The following PTCHD1 variants were observed in gnomAD, a reference collection of about 807,000 sequenced individuals.
PTCHD1 encodes the protein patched domain-containing protein 1.
PTCHD1 carries 3 observed loss-of-function variants against 34.6 expected under a neutral mutation model. The ratio of observed to expected loss-of-function variants is 0.09; its 90% CI spans 0.04 to 0.22. The LOEUF is 0.22. PTCHD1 is among the 10% of genes least tolerant of loss of function. The probability of loss-of-function intolerance (pLI) is 1.00; values close to 1 mark genes in which losing one functional copy is unlikely to be tolerated. For synonymous variants in PTCHD1, 305 were observed against 283.1 expected (o/e 1.08, Z -0.77); for missense variants, 504 against 685.5 (o/e 0.74, Z 2.96).
At chrX:23,345,927 C>G (rs1248820476) in intron 1 of PTCHD1, among the ~76,000 whole-genome samples, 1 of 111,782 alleles carries the variant, frequency 8.9e-6, no homozygotes, top group Non-Finnish European at 1.9e-5. Context: ...GAGGGCCGTA[C>G]TCTACTGCCT....
At chrX:23,367,276 T>C (rs1453570648) in intron 1 of PTCHD1, among the ~76,000 whole-genome samples, 3 of 112,305 alleles carry the variant, frequency 2.7e-5, no homozygotes, top group Non-Finnish European at 1.9e-5. Flanking sequence ...TGACTTCTGA[T>C]TCTCAACAAA....
intron 1 of PTCHD1, among the ~76,000 whole-genome samples, chrX:23,364,587 A>G (rs1922087597): frequency 8.9e-6 from 1 of 111,826 alleles, no homozygotes; most frequent in Admixed American, 9.4e-5. Flanking sequence ...GACTTTCAGC[A>G]CCTGTACTGG....
intron 1 of PTCHD1, among the ~76,000 whole-genome samples, chrX:23,351,763 T>C (rs1208362314): frequency 1.8e-5 from 2 of 112,132 alleles, no homozygotes; most frequent in Non-Finnish European, 3.8e-5. Flanking sequence ...TTAGAACTCA[T>C]TGTTGAGTTT....
chrX:23,342,857 T>G (rs915910750), intron 1 of PTCHD1, among the ~76,000 whole-genome samples: 9 of 112,286 alleles, frequency 8.0e-5, no homozygotes, highest in Non-Finnish European at 1.7e-4. Flanking sequence ...ATTCATGGCT[T>G]CTTCTCTCCC....
At position 23,394,302 on chromosome X, in the gene PTCHD1, CAAA is replaced by C. The variant is rs765690048; in HGVS notation, c.*137_*139del. 2.9e-3 allele frequency: 149 copies of C among 51,935 alleles called. No individual in the cohort carries two copies. Among genetic ancestry groups the C allele is most frequent in the Middle Eastern group, 8.1e-3 (1 of 124 alleles). 4.3% of individuals were successfully genotyped at this position (51,935 alleles called of 1,213,427 possible). Reference sequence around the variant, plus strand: ...TTTAAAGATAGGAAACAGGCATTGCCAAAAAAAAAAAAAAAAAAAAAAGGAAAG... The same window carrying C: ...TTTAAAGATAGGAAACAGGCATTGCCAAAAAAAAAAAAAAAAAAAGGAAAG... On this transcript the variant is annotated 3_prime_UTR_variant, in exon 3 of 3. Transcript: ENST00000379361.
chrX:23,339,107 A>G (rs886147678), intron 1 of PTCHD1, among the ~76,000 whole-genome samples: 3 of 112,220 alleles, frequency 2.7e-5, no homozygotes, highest in African/African-American at 9.7e-5. Context: ...TCCCTGGCAC[A>G]TAATAGCTAC....
chrX:23,378,427 TAGAC>T (rs1247582897), intron 1 of PTCHD1, among the ~76,000 whole-genome samples: 1 of 112,259 alleles, frequency 8.9e-6, no homozygotes, highest in African/African-American at 3.2e-5. Context: ...TTTCTTATCT[TAGAC>T]AGTAGATTAC....
intron 1 of PTCHD1, among the ~76,000 whole-genome samples, chrX:23,374,686 A>G (rs751624316): frequency 9.9e-5 from 11 of 111,197 alleles, no homozygotes; most frequent in African/African-American, 2.9e-4. Context: ...TTGCCCTGAA[A>G]AAGAACTTCA....
intron 1 of PTCHD1, among the ~76,000 whole-genome samples, chrX:23,353,604 C>CA (rs35618513): frequency 5.3e-5 from 5 of 93,703 alleles, no homozygotes; most frequent in South Asian, 5.1e-4. Context: ...CAAAACAAAA[C>CA]AAAACAAAAA....
rs1383991688 is a variant in PTCHD1, at chrX:23,353,608, AC to A, written c.351+18383del. 1.2e-4 allele frequency among the ~76,000 whole-genome samples: 11 copies of A among 94,177 alleles called. No homozygotes were observed. The South Asian group carries it at 3.1e-3, about 26-fold the overall frequency. The allele number at this position is 94,177 out of a possible 115,157, so 81.8% of individuals were successfully genotyped here. A position where few individuals can be genotyped will look rare whatever the true frequency, so the allele number is the denominator to read the frequency against. On this transcript the variant is annotated intron_variant, in intron 1 of 2. Coordinates refer to ENST00000379361, the MANE Select transcript of PTCHD1 (RefSeq NM_173495.3). The stretch of plus-strand genomic sequence containing the variant: ...CTGTCTCAAAACAAAACAAAACAAA[AC>A]AAAAAAAAAAAACGTAAGCTAAGAG...
At chrX:23,373,056 C>G (rs57963282) in intron 1 of PTCHD1, among the ~76,000 whole-genome samples, 1 of 112,368 alleles carries the variant, frequency 8.9e-6, no homozygotes, top group Non-Finnish European at 1.9e-5. Flanking sequence ...CTTATCCATA[C>G]CAGTGTGGAG....
intron 1 of PTCHD1, among the ~76,000 whole-genome samples, chrX:23,363,693 G>T (rs2146628728): frequency 8.9e-6 from 1 of 112,734 alleles, no homozygotes; most frequent in African/African-American, 3.2e-5. Context: ...AGATGAACCA[G>T]CTACCTCAGT....
chrX:23,385,852 T>C (rs1922674727), intron 2 of PTCHD1, among the ~76,000 whole-genome samples: 1 of 111,425 alleles, frequency 9.0e-6, no homozygotes, highest in South Asian at 3.8e-4. Context: ...TGTGTCTTTA[T>C]AGCCTATGTG....
chrX:23,356,191 C>T (rs1921796753), intron 1 of PTCHD1, among the ~76,000 whole-genome samples: 1 of 112,113 alleles, frequency 8.9e-6, no homozygotes, highest in African/African-American at 3.2e-5. Flanking sequence ...GTTGGCTTGT[C>T]CAGAATGTTT....
At chrX:23,376,531 G>A (rs971865764) in intron 1 of PTCHD1, among the ~76,000 whole-genome samples, 2 of 112,085 alleles carry the variant, frequency 1.8e-5, no homozygotes, top group Non-Finnish European at 3.8e-5. Context: ...CTAAAACTCG[G>A]TATAGGTAGA....
At chrX:23,356,910 T>C (rs1921822545) in intron 1 of PTCHD1, among the ~76,000 whole-genome samples, 1 of 111,880 alleles carries the variant, frequency 8.9e-6, no homozygotes, top group South Asian at 3.8e-4. Flanking sequence ...GTGATAGGCT[T>C]TTCTGCCAGG....
At chrX:23,390,197 C>T (rs1922792326) in intron 2 of PTCHD1, among the ~76,000 whole-genome samples, 2 of 110,984 alleles carry the variant, frequency 1.8e-5, no homozygotes, top group South Asian at 7.5e-4. Context: ...TATTTAATAA[C>T]TCAGTACTAA....
chrX:23,365,237 C>T (rs1451909546), intron 1 of PTCHD1, among the ~76,000 whole-genome samples: 1 of 111,861 alleles, frequency 8.9e-6, no homozygotes, highest in African/African-American at 3.3e-5. Flanking sequence ...TGAAGAGAAG[C>T]TCACAAGATC....
chrX:23,363,534 C>T (rs762390713), intron 1 of PTCHD1, among the ~76,000 whole-genome samples: 1 of 112,715 alleles, frequency 8.9e-6, no homozygotes, highest in Non-Finnish European at 1.9e-5. Flanking sequence ...ACGGAAGTGT[C>T]CCAATTTTCC....
Sources: gnomAD v4.1 joint callset for allele counts (sites outside exome capture counted in the v4.1 genomes callset) on GRCh38, gnomAD v4.1.1 for gene constraint, MANE v1.5 for transcripts, NCBI Gene and HGNC (gene_info 2026-07-23, HGNC 2026-07-21) for gene names.